The following RPTOR variants were observed in gnomAD, a reference collection of about 807,000 sequenced individuals.
The protein encoded by RPTOR is regulatory-associated protein of mTOR.
RPTOR carries 21 observed loss-of-function variants against 169.9 expected under a neutral mutation model. The observed-to-expected ratio is 0.12, with a 90% CI of 0.09 to 0.18. RPTOR has a LOEUF of 0.18. Ranked by LOEUF, RPTOR falls within the 10% of genes least tolerant of loss-of-function variation. The pLI is 1.00. For missense variants in RPTOR, 1,133 were observed against 1,855.9 expected, an observed-to-expected ratio of 0.61 and a Z score of 7.16; for synonymous variants, 732 against 753.2, an observed-to-expected ratio of 0.97 and a Z score of 0.46.
intron 31 of RPTOR, among the ~76,000 whole-genome samples, chr17:80,962,218 G>A (rs1051524982): frequency 1.3e-5 from 2 of 152,242 alleles, no homozygotes; most frequent in African/African-American, 2.4e-5. Flanking sequence ...AAAGCTCCGC[G>A]CCTTTTCTGG....
At chr17:80,923,728 T>TG in intron 23 of RPTOR, 55 bp downstream of exon 23, 1 of 1,473,208 alleles carries the variant, frequency 6.8e-7, no homozygotes, top group Non-Finnish European at 9.1e-7. Context: ...GCTTCTCAGA[T>TG]GGGGGCTCAT....
chr17:80,554,559 C>T lies in RPTOR; in HGVS notation c.162+8768C>T, dbSNP rs146243452. Among the ~76,000 whole-genome samples the T allele has an allele frequency of 3.5e-3, 539 of 152,036 alleles. 1 individual carries two copies. The highest frequency in any genetic ancestry group is 0.012 in the African/African-American group (486 of 41,458). ...GAGATCAAGACCATCCTGGCTAACA[C>T]GATGAAACCCCATCTCTACTAAAAA... On this transcript the variant is annotated intron_variant, in intron 1 of 33. Coordinates refer to ENST00000306801, the MANE Select transcript of RPTOR (RefSeq NM_020761.3).
chr17:80,663,385 A>G (rs925416359), intron 3 of RPTOR, among the ~76,000 whole-genome samples: 1 of 145,076 alleles, frequency 6.9e-6, no homozygotes, highest in Non-Finnish European at 1.5e-5. Context: ...AATTGACAAA[A>G]ATGACAAAAA....
At chr17:80,553,759 T>TG (rs397737646) in intron 1 of RPTOR, among the ~76,000 whole-genome samples, 1 of 151,756 alleles carries the variant, frequency 6.6e-6, no homozygotes, top group Non-Finnish European at 1.5e-5. Context: ...TCTTTTTTTT[T>TG]AAGACGGAAT....
At chr17:80,916,343 G>C (rs1008128580) in intron 21 of RPTOR, among the ~76,000 whole-genome samples, 1 of 152,220 alleles carries the variant, frequency 6.6e-6, no homozygotes, top group Non-Finnish European at 1.5e-5. Context: ...GAAGCTGCTT[G>C]TAGTACACCT....
chr17:80,716,960 T>A (rs1036480922), intron 4 of RPTOR, among the ~76,000 whole-genome samples: 2 of 152,366 alleles, frequency 1.3e-5, no homozygotes, highest in South Asian at 2.1e-4. Context: ...CATGCTGTTT[T>A]GGTGACTATG....
At position 80,957,800 on chromosome 17, in the gene RPTOR, G is replaced by C; in HGVS notation, c.3477+70G>C. The stretch of plus-strand genomic sequence containing the variant: ...GTGTGCAGGGCTGGTCCTCGTCACA[G>C]AACCCAGCAAAGTGTGCGGTGAGGC... On this transcript the variant is annotated intron_variant, in intron 29 of 33. Coordinates refer to ENST00000306801, the MANE Select transcript of RPTOR (RefSeq NM_020761.3). This position sits in a 1 kb window ranked among gnomAD's most constrained non-coding sequence, Gnocchi z 4.6. The C allele has an allele frequency of 2.8e-6, 4 of 1,427,830 alleles. No individual in the cohort carries two copies. In the South Asian group the frequency reaches 4.6e-5, roughly 16 times the overall value. 88.4% of individuals were successfully genotyped at this position (1,427,830 alleles called of 1,614,324 possible). A position where few individuals can be genotyped will look rare whatever the true frequency, so the allele number is the denominator to read the frequency against.
chr17:80,869,812 A>T (rs990326046), intron 13 of RPTOR, among the ~76,000 whole-genome samples: 6 of 152,214 alleles, frequency 3.9e-5, no homozygotes, highest in Admixed American at 3.9e-4. Context: ...GCAGAAAAAC[A>T]CAGGGGATCA....
intron 5 of RPTOR, among the ~76,000 whole-genome samples, chr17:80,745,562 T>A (rs1434129032): frequency 6.6e-6 from 1 of 152,240 alleles, no homozygotes; most frequent in Non-Finnish European, 1.5e-5. Flanking sequence ...ACACTGTGTG[T>A]CACATGATAG....
At chr17:80,932,672 A>C (rs2068912371) in intron 24 of RPTOR, among the ~76,000 whole-genome samples, 1 of 152,218 alleles carries the variant, frequency 6.6e-6, no homozygotes, top group Non-Finnish European at 1.5e-5. Flanking sequence ...CCCAAAATGA[A>C]GCACAAAGAC....
At chr17:80,890,936 G>C (rs938567369) in intron 17 of RPTOR, among the ~76,000 whole-genome samples, 1 of 152,108 alleles carries the variant, frequency 6.6e-6, no homozygotes, top group African/African-American at 2.4e-5. Flanking sequence ...CTAGCAAGGG[G>C]TCCTCTCACA....
At chr17:80,713,346 T>A (rs79961397) in intron 4 of RPTOR, among the ~76,000 whole-genome samples, 26,713 of 152,184 alleles carry the variant, frequency 0.18, 3,746 homozygotes, top group African/African-American at 0.39. Flanking sequence ...ACACCCGGCC[T>A]GGATGCCAGT....
intron 1 of RPTOR, among the ~76,000 whole-genome samples, chr17:80,569,130 G>A (rs563604598): frequency 1.3e-5 from 2 of 151,796 alleles, no homozygotes; most frequent in South Asian, 4.2e-4. Flanking sequence ...TTATTTCCTC[G>A]TCACTCTCAT....
At chr17:80,604,065 A>G (rs1010205839) in intron 1 of RPTOR, among the ~76,000 whole-genome samples, 2 of 152,198 alleles carry the variant, frequency 1.3e-5, no homozygotes, top group Non-Finnish European at 2.9e-5. Flanking sequence ...CTGCACAGAT[A>G]CCAACTTATC....
intron 12 of RPTOR, among the ~76,000 whole-genome samples, chr17:80,856,410 C>T (rs1373842699): frequency 1.3e-5 from 2 of 152,130 alleles, no homozygotes; most frequent in Admixed American, 6.5e-5. Flanking sequence ...GCGGTGGGTG[C>T]GGAACCGCTG....
At chr17:80,638,411 CTTT>C (rs11399351) in intron 2 of RPTOR, among the ~76,000 whole-genome samples, 3 of 126,272 alleles carry the variant, frequency 2.4e-5, no homozygotes, top group Admixed American at 1.6e-4. Flanking sequence ...TTCTTCCTTT[CTTT>C]TTTTTTTTTT....
chr17:80,770,503 T>C (rs1333160981), intron 6 of RPTOR, among the ~76,000 whole-genome samples: 1 of 152,144 alleles, frequency 6.6e-6, no homozygotes, highest in Non-Finnish European at 1.5e-5. Flanking sequence ...CAGCTCACTG[T>C]GTGGGTGAGG....
chr17:80,899,419 T>TA (rs1477863289), intron 20 of RPTOR, among the ~76,000 whole-genome samples: 1 of 152,266 alleles, frequency 6.6e-6, no homozygotes, highest in Admixed American at 6.5e-5. Context: ...AATTTTTTTT[T>TA]AAGTACTAGA....
At chr17:80,670,453 G>A (rs1056826741) in intron 3 of RPTOR, among the ~76,000 whole-genome samples, 2 of 152,162 alleles carry the variant, frequency 1.3e-5, no homozygotes, top group Non-Finnish European at 2.9e-5. Context: ...GAGCGTTGCT[G>A]TCAGCACTCG....
Sources: gnomAD v4.1 joint callset for allele counts (sites outside exome capture counted in the v4.1 genomes callset) on GRCh38, gnomAD v4.1.1 for gene constraint, Gnocchi (gnomAD v3.1) non-coding constraint, MANE v1.5 for transcripts, NCBI Gene and HGNC (gene_info 2026-07-23, HGNC 2026-07-21) for gene names.